Variants in ALDH1L1 observed in about 807,000 individuals in gnomAD.
ALDH1L1 encodes aldehyde dehydrogenase 1 family member L1.
In ALDH1L1, 68 loss-of-function variants were observed where a neutral mutation model predicts 101.1. That is an observed-to-expected ratio of 0.67 (90% confidence interval 0.55 to 0.82). The LOEUF is 0.82. ALDH1L1 is among the 40% of genes least tolerant of loss of function. ALDH1L1 has a pLI of 0.00. For synonymous variants in ALDH1L1, 486 were observed against 470.8 expected, an observed-to-expected ratio of 1.03 and a Z score of -0.42; for missense variants, 1,087 against 1,172.7, an observed-to-expected ratio of 0.93 and a Z score of 1.07.
intron 8 of ALDH1L1, among the ~76,000 whole-genome samples, chr3:126,147,817 A>G (rs1436893608): frequency 6.6e-6 from 1 of 152,034 alleles, no homozygotes; most frequent in African/African-American, 2.4e-5. Flanking sequence ...GAAAAATGTC[A>G]TGGATCTGCC....
At position 126,134,144 on chromosome 3, in the gene ALDH1L1, C is replaced by G. The variant is rs549809799; in HGVS notation, c.1472+1391G>C. ...TTATCTGGGAGCTCCTGAACTGCCC[C>G]CTCCGGGACACCTAGACCCAGCCTC... is the stretch of plus-strand genomic sequence containing the variant. On this transcript the variant is annotated intron_variant, in intron 12 of 22. Coordinates refer to ENST00000393434, the MANE Select transcript of ALDH1L1 (RefSeq NM_012190.4). Among the ~76,000 whole-genome samples, 19 of 152,326 alleles carry G rather than the reference C, an allele frequency of 1.2e-4. 1 individual carries two copies. Among genetic ancestry groups the G allele is most frequent in the Non-Finnish European group, 2.4e-4 (16 of 68,028 alleles).
At chr3:126,107,431 G>C (rs2108169343) in intron 20 of ALDH1L1, among the ~76,000 whole-genome samples, 185 bp from the exon 21 acceptor site, 1 of 152,344 alleles carries the variant, frequency 6.6e-6, no homozygotes, top group East Asian at 1.9e-4. Flanking sequence ...CTTGTTCTTT[G>C]ATGTGGGTCT....
intron 1 of ALDH1L1, among the ~76,000 whole-genome samples, chr3:126,175,656 A>G (rs2081354260): frequency 6.6e-6 from 1 of 152,180 alleles, no homozygotes; most frequent in Admixed American, 6.5e-5. Context: ...TTCATTTATG[A>G]TAAGAGCTTT....
At position 126,146,984 on chromosome 3, in the gene ALDH1L1, T is replaced by A. The variant is rs2080704619; in HGVS notation, c.985-58A>T. 1.8e-5 allele frequency: 28 copies of A among 1,534,618 alleles called. No homozygotes were observed. In the South Asian group the frequency reaches 2.9e-4, roughly 16 times the overall value. ...CAGGGGAGCTGGGGACAAGTGCCACTCCAGGACAACAACCCCTGAACAGAC... is the reference window on the plus strand; with the variant it reads ...CAGGGGAGCTGGGGACAAGTGCCACACCAGGACAACAACCCCTGAACAGAC... On this transcript the variant is annotated intron_variant, in intron 8 of 22. Transcript: ENST00000393434.
intron 9 of ALDH1L1, among the ~76,000 whole-genome samples, chr3:126,138,848 T>C (rs6791921): frequency 0.22 from 34,153 of 152,242 alleles, 4,692 homozygotes; most frequent in African/African-American, 0.39. Context: ...TATCCCCTTA[T>C]CTAAATAACT....
chr3:126,161,003 C>A lies in ALDH1L1; in HGVS notation c.-23-1G>T. On this transcript the variant is annotated splice_acceptor_variant, in intron 1 of 22. Transcript: ENST00000393434. LOFTEE classifies it low-confidence loss of function (5UTR_SPLICE). ...ATGGTAGCAGGAGGGTTGGAAGGAC[C>A]TGGAGAAGGAATAAGGCAGCAATTA... 1 of 1,614,006 alleles carries A rather than the reference C, an allele frequency of 6.2e-7. No homozygotes were observed. The highest frequency in any genetic ancestry group is 8.5e-7 in the Non-Finnish European group (1 of 1,179,958).
intron 14 of ALDH1L1, chr3:126,128,529 C>G (rs1361545220): frequency 6.6e-6 from 1 of 152,216 alleles, no homozygotes; most frequent in Non-Finnish European, 1.5e-5. Flanking sequence ...GAGGCGAGGT[C>G]CCCTGTGAAG....
At chr3:126,116,038 A>ATTTTTTTTTTTTTTTTTTT (rs35701473) in intron 17 of ALDH1L1, among the ~76,000 whole-genome samples, 1 of 137,076 alleles carries the variant, frequency 7.3e-6, no homozygotes, top group Non-Finnish European at 1.6e-5. Context: ...ACACCTGGCT[A>ATTTTTTTTTTTTTTTTTTT]TTTTTTTTTT....
chr3:126,184,346 T>C (rs1172779540), upstream of ALDH1L1, among the ~76,000 whole-genome samples: 1 of 152,228 alleles, frequency 6.6e-6, no homozygotes, highest in African/African-American at 2.4e-5. Context: ...GACCCCAACC[T>C]TCTCCTTGGG....
At chr3:126,118,179 G>T in intron 16 of ALDH1L1, 81 bp from the exon 17 acceptor site, 1 of 1,130,746 alleles carries the variant, frequency 8.8e-7, no homozygotes, top group Non-Finnish European at 1.3e-6. Context: ...GACTGCACAG[G>T]TTCACTGGGG....
chr3:126,168,273 A>AT (rs2081206375), intron 1 of ALDH1L1, among the ~76,000 whole-genome samples: 1 of 152,126 alleles, frequency 6.6e-6, no homozygotes, highest in Non-Finnish European at 1.5e-5. Context: ...GCACCACAAG[A>AT]TTTTCTTAAA....
At chr3:126,137,103 G>T (rs2080462877) in intron 10 of ALDH1L1, among the ~76,000 whole-genome samples, 4 of 151,986 alleles carry the variant, frequency 2.6e-5, no homozygotes, top group Admixed American at 2.6e-4. Flanking sequence ...TGCCACCTTG[G>T]GCTGGCTCCT....
chr3:126,144,959 A>C (rs2080644587), intron 9 of ALDH1L1, among the ~76,000 whole-genome samples: 1 of 152,232 alleles, frequency 6.6e-6, no homozygotes, highest in Admixed American at 6.5e-5. Context: ...AAAACATATA[A>C]GGAGTTCCTA....
intron 1 of ALDH1L1, among the ~76,000 whole-genome samples, chr3:126,164,501 C>A (rs1022054595): frequency 1.1e-4 from 17 of 152,298 alleles, no homozygotes; most frequent in African/African-American, 4.1e-4. Context: ...TGCCTTAATT[C>A]ACTTAGGATT....
chr3:126,169,209 CAG>C (rs989765303), intron 1 of ALDH1L1, among the ~76,000 whole-genome samples: 7 of 152,154 alleles, frequency 4.6e-5, no homozygotes, highest in African/African-American at 1.7e-4. Context: ...TCTTATTTTT[CAG>C]AGTCAAGAAA....
At chr3:126,120,507 C>T (rs1400969023) in intron 16 of ALDH1L1, among the ~76,000 whole-genome samples, 2 of 152,314 alleles carry the variant, frequency 1.3e-5, no homozygotes, top group East Asian at 1.9e-4. Context: ...TGAAACTACT[C>T]TGTGTTACAC....
At chr3:126,140,677 A>C (rs886400029) in intron 9 of ALDH1L1, among the ~76,000 whole-genome samples, 7 of 152,106 alleles carry the variant, frequency 4.6e-5, no homozygotes, top group Non-Finnish European at 8.8e-5. Context: ...GTATAGAATG[A>C]GAGTGTTTGT....
upstream of ALDH1L1, among the ~76,000 whole-genome samples, chr3:126,182,653 T>G (rs187908113): frequency 2.0e-3 from 298 of 152,110 alleles, 1 homozygote; most frequent in Non-Finnish European, 3.3e-3. Flanking sequence ...GTTCTGAACT[T>G]GGGAGTTAAA....
intron 16 of ALDH1L1, among the ~76,000 whole-genome samples, chr3:126,120,174 C>T (rs1385892275): frequency 6.6e-6 from 1 of 152,246 alleles, no homozygotes. Context: ...AAAACCTGCA[C>T]ACGAATGTTT....
Sources: allele counts gnomAD v4.1 joint callset (sites outside exome capture counted in the v4.1 genomes callset), GRCh38; gene constraint gnomAD v4.1.1; transcripts MANE v1.5; gene names NCBI Gene and HGNC (gene_info 2026-07-23, HGNC 2026-07-21).